The following MCU variants were observed in gnomAD, a reference collection of about 807,000 sequenced individuals.
MCU encodes the protein calcium uniporter protein, mitochondrial.
In MCU, 12 loss-of-function variants were observed where a neutral mutation model predicts 45.2. That is an observed-to-expected ratio of 0.27 (90% confidence interval 0.17 to 0.43). The LOEUF (loss-of-function observed/expected upper bound fraction) is 0.43, where lower values mean the gene tolerates loss of function less well. MCU is among the 20% of genes least tolerant of loss of function. The pLI, the probability that MCU is intolerant of heterozygous loss-of-function variation, is 1.00. For missense variants in MCU, 324 were observed against 436.7 expected (o/e 0.74, Z 2.30); for synonymous variants, 160 against 165.1 (o/e 0.97, Z 0.24).
intron 1 of MCU, among the ~76,000 whole-genome samples, chr10:72,821,509 T>C (rs1844711513): frequency 6.6e-6 from 1 of 152,156 alleles, no homozygotes; most frequent in Admixed American, 6.5e-5. Context: ...AAGATTGATA[T>C]GCATGCCTGA....
At chr10:72,704,747 C>T (rs1842799162) in intron 1 of MCU, among the ~76,000 whole-genome samples, 1 of 132,166 alleles carries the variant, frequency 7.6e-6, no homozygotes, top group African/African-American at 2.9e-5. Context: ...CGGAGTCTCG[C>T]TCTGTAGCCC....
intron 1 of MCU, among the ~76,000 whole-genome samples, chr10:72,826,683 A>G (rs1198256459): frequency 6.6e-6 from 1 of 152,246 alleles, no homozygotes; most frequent in Non-Finnish European, 1.5e-5. Flanking sequence ...TTCATTTAAC[A>G]GATACAGTAC....
intron 1 of MCU, among the ~76,000 whole-genome samples, chr10:72,737,178 A>G (rs1843262941): frequency 6.6e-6 from 1 of 152,242 alleles, no homozygotes; most frequent in Non-Finnish European, 1.5e-5. Flanking sequence ...CAAATTCTCC[A>G]GTCATGAGTT....
At chr10:72,845,324 A>G (rs960649880) in intron 2 of MCU, among the ~76,000 whole-genome samples, 3 of 152,226 alleles carry the variant, frequency 2.0e-5, no homozygotes, top group African/African-American at 7.2e-5. Flanking sequence ...ATCAGAAACT[A>G]AAAACATTGA....
intron 1 of MCU, among the ~76,000 whole-genome samples, chr10:72,749,048 G>A (rs1210839901): frequency 6.6e-6 from 1 of 152,078 alleles, no homozygotes; most frequent in Non-Finnish European, 1.5e-5. Context: ...GATTGTTTGA[G>A]CCCAGGAGTT....
At chr10:72,864,887 AG>A (rs1845430450) in intron 4 of MCU, among the ~76,000 whole-genome samples, 3 of 152,336 alleles carry the variant, frequency 2.0e-5, no homozygotes, top group Admixed American at 6.5e-5. Flanking sequence ...ACAGAAGTAC[AG>A]GGCCTATTTT....
At chr10:72,779,418 CAA>C (rs992757040) in intron 1 of MCU, among the ~76,000 whole-genome samples, 1 of 151,884 alleles carries the variant, frequency 6.6e-6, no homozygotes, top group Non-Finnish European at 1.5e-5. Flanking sequence ...GCACAAGTGA[CAA>C]AAGAGAAAAT....
chr10:72,767,392 G>A (rs1272616444), intron 1 of MCU, among the ~76,000 whole-genome samples: 2 of 152,148 alleles, frequency 1.3e-5, no homozygotes, highest in African/African-American at 4.8e-5. Context: ...GTTGAAAAAG[G>A]ACTCGGAAGT....
At chr10:72,730,361 T>G (rs1299999150) in intron 1 of MCU, among the ~76,000 whole-genome samples, 1 of 146,228 alleles carries the variant, frequency 6.8e-6, no homozygotes, top group African/African-American at 2.6e-5. Flanking sequence ...TAGGCTAGAA[T>G]GCAGAACCAA....
intron 1 of MCU, among the ~76,000 whole-genome samples, chr10:72,763,160 G>A (rs755370449): frequency 1.3e-5 from 2 of 152,036 alleles, no homozygotes; most frequent in South Asian, 4.1e-4. Flanking sequence ...GATAATCCTG[G>A]GTGCAAACTT....
In MCU at chr10:72,859,401, A is replaced by C. The variant is rs572705460; in HGVS notation, c.391+54A>C. 176 of 1,494,814 alleles carry C rather than the reference A, an allele frequency of 1.2e-4. No individual in the cohort carries two copies. The South Asian group carries it at 2.1e-3, about 18-fold the overall frequency. The allele number at this position is 1,494,814 out of a possible 1,614,324, so 92.6% of individuals were successfully genotyped here. On this transcript the variant is annotated intron_variant, in intron 3 of 7. Transcript: ENST00000373053. ...TCTATCCCTCATTTCACCCCACACC[A>C]TTTCTAGACACATACATACACCACA...
chr10:72,884,302 T>C lies in MCU; in HGVS notation c.898T>C (p.Leu300=). 6.2e-7 allele frequency: 1 copy of C among 1,611,648 alleles called. No individual in the cohort carries two copies. The highest frequency in any genetic ancestry group is 8.5e-7 in the Non-Finnish European group (1 of 1,177,902). ...TCCAGAAGCCAGAGACAGACAATAC[T>C]TACTATTTTTCCATAAAGGAGCCAA... ...VYPEARDRQY[L]LFFHKGAKKS... The change falls in exon 7 of 8, where the codon TTA becomes CTA. Residue 300 remains leucine, a synonymous_variant. Transcript: ENST00000373053.
At chr10:72,731,806 G>A (rs1383311749) in intron 1 of MCU, among the ~76,000 whole-genome samples, 1 of 152,040 alleles carries the variant, frequency 6.6e-6, no homozygotes, top group Admixed American at 6.6e-5. Context: ...TCCTGTTATT[G>A]CTAAACAATA....
intron 1 of MCU, among the ~76,000 whole-genome samples, chr10:72,697,120 T>C (rs1842697361): frequency 6.6e-6 from 1 of 152,204 alleles, no homozygotes; most frequent in Non-Finnish European, 1.5e-5. Flanking sequence ...CTTCTATTTA[T>C]TTATGTATTT....
At chr10:72,818,264 G>A (rs939721844) in intron 1 of MCU, among the ~76,000 whole-genome samples, 26 of 152,238 alleles carry the variant, frequency 1.7e-4, no homozygotes, top group Admixed American at 2.6e-4. Context: ...GAGAGGCTAA[G>A]TGTGAGCAAA....
intron 1 of MCU, among the ~76,000 whole-genome samples, chr10:72,768,489 A>G (rs544531277): frequency 2.3e-4 from 35 of 152,344 alleles, no homozygotes; most frequent in African/African-American, 8.4e-4. Flanking sequence ...GAAGTTATCA[A>G]ACCTCTTTTG....
intron 5 of MCU, among the ~76,000 whole-genome samples, chr10:72,869,674 A>G (rs1845511205): frequency 1.3e-5 from 2 of 152,356 alleles, no homozygotes; most frequent in Admixed American, 6.5e-5. Flanking sequence ...TAATGACTAT[A>G]TAGCATTTAC....
At chr10:72,833,717 A>G (rs1459761578) in intron 1 of MCU, among the ~76,000 whole-genome samples, 1 of 152,224 alleles carries the variant, frequency 6.6e-6, no homozygotes, top group East Asian at 1.9e-4. Context: ...TGGTTTAGTT[A>G]TGAGAACCTG....
chr10:72,765,105 A>G (rs1564550223), intron 1 of MCU, among the ~76,000 whole-genome samples: 1 of 150,236 alleles, frequency 6.7e-6, no homozygotes, highest in African/African-American at 2.5e-5. Flanking sequence ...AAAAAAAAAA[A>G]GAGAGAGTTA....
Sources: gnomAD v4.1 joint callset for allele counts (sites outside exome capture counted in the v4.1 genomes callset) on GRCh38, gnomAD v4.1.1 for gene constraint, MANE v1.5 for transcripts, NCBI Gene and HGNC (gene_info 2026-07-23, HGNC 2026-07-21) for gene names.